Variants in FAM210A observed in about 807,000 individuals in gnomAD.
FAM210A encodes family with sequence similarity 210 member A.
Under a neutral mutation model 25.3 loss-of-function variants are expected in FAM210A, and 13 were observed. The ratio of observed to expected loss-of-function variants is 0.51; its 90% CI spans 0.33 to 0.82. The LOEUF (loss-of-function observed/expected upper bound fraction) is 0.82, where lower values mean the gene tolerates loss of function less well. Among genes scored for constraint, FAM210A ranks in the 40% least tolerant of loss-of-function variants. The probability of loss-of-function intolerance (pLI) is 0.02; values close to 1 mark genes in which losing one functional copy is unlikely to be tolerated. For synonymous variants in FAM210A, 125 were observed against 118.7 expected (o/e 1.05, Z -0.35); for missense variants, 319 against 323.2 (o/e 0.99, Z 0.10).
At chr18:13,677,581 TTTAACTACCAGG>T (rs1411799046) in intron 2 of FAM210A, among the ~76,000 whole-genome samples, 2 of 152,228 alleles carry the variant, frequency 1.3e-5, no homozygotes, top group African/African-American at 2.4e-5. Context: ...AGGTTCGATC[TTTAACTACCAGG>T]CCCAGGGTGT....
intron 2 of FAM210A, among the ~76,000 whole-genome samples, chr18:13,673,534 ATTAT>A (rs2043462144): frequency 6.7e-6 from 1 of 149,542 alleles, no homozygotes; most frequent in African/African-American, 2.5e-5. Flanking sequence ...CAGTTTCCTG[ATTAT>A]TAACATTCCT....
At chr18:13,722,270 C>T (rs1033177729) in intron 1 of FAM210A, among the ~76,000 whole-genome samples, 1 of 151,498 alleles carries the variant, frequency 6.6e-6, no homozygotes, top group Admixed American at 6.6e-5. Context: ...CACCTACTTA[C>T]TCTTTGGTGA....
chr18:13,714,524 G>A (rs554047101), intron 1 of FAM210A, among the ~76,000 whole-genome samples: 7 of 152,298 alleles, frequency 4.6e-5, no homozygotes, highest in Admixed American at 3.3e-4. Flanking sequence ...AAAGTGATAT[G>A]ATAAAAGCAG....
Position 13,693,593 on chromosome 18 carries a change from C to T in FAM210A, c.-28-11488G>A, listed in dbSNP as rs956823938. On this transcript the variant is annotated intron_variant, in intron 1 of 3. Coordinates refer to ENST00000651643, the MANE Select transcript of FAM210A (RefSeq NM_152352.4). ...TGGGATGCAAGGCTGGTTCAACATA[C>T]GCAAATCAATAAACATAATCCATCA... is the stretch of plus-strand genomic sequence containing the variant. 1.1e-4 allele frequency among the ~76,000 whole-genome samples: 16 copies of T among 152,116 alleles called. 1 individual carries two copies. Among genetic ancestry groups the T allele is most frequent in the South Asian group, 4.2e-4 (2 of 4,814 alleles).
chr18:13,700,917 T>C (rs1398046349), intron 1 of FAM210A, among the ~76,000 whole-genome samples: 1 of 152,252 alleles, frequency 6.6e-6, no homozygotes, highest in African/African-American at 2.4e-5. Flanking sequence ...GCTGTTTCTA[T>C]ACGTTGCTTC....
At chr18:13,677,086 T>C (rs1431177420) in intron 2 of FAM210A, among the ~76,000 whole-genome samples, 9 of 131,316 alleles carry the variant, frequency 6.9e-5, no homozygotes, top group Non-Finnish European at 1.3e-4. Context: ...TTTTTTTTTT[T>C]CTTTTTGAGA....
rs1414379482 is a variant in FAM210A, at chr18:13,692,195, G to A, written c.-28-10090C>T. On this transcript the variant is annotated intron_variant, in intron 1 of 3. Coordinates refer to ENST00000651643, the MANE Select transcript of FAM210A (RefSeq NM_152352.4). ...TAAAGGGATCAATTCAACAAGAAGA[G>A]CTAACTCTCCTAAATATATATGCAC... is the stretch of plus-strand genomic sequence containing the variant. Among the ~76,000 whole-genome samples the A allele has an allele frequency of 3.3e-5, 5 of 152,000 alleles. No homozygotes were observed. The East Asian group carries it at 9.7e-4, about 29-fold the overall frequency.
intron 1 of FAM210A, among the ~76,000 whole-genome samples, chr18:13,695,768 G>A (rs975058263): frequency 5.3e-5 from 8 of 151,718 alleles, no homozygotes; most frequent in Non-Finnish European, 1.0e-4. Context: ...TGTAAATGAC[G>A]AGTTAATGGG....
chr18:13,723,432 T>C (rs1362628111), intron 1 of FAM210A, among the ~76,000 whole-genome samples: 4 of 152,210 alleles, frequency 2.6e-5, no homozygotes, highest in African/African-American at 9.7e-5. Context: ...ATATTGGTAT[T>C]TTAAGGAACT....
chr18:13,689,087 C>T (rs568141709), intron 1 of FAM210A, among the ~76,000 whole-genome samples: 8 of 152,358 alleles, frequency 5.3e-5, no homozygotes, highest in Admixed American at 3.9e-4. Context: ...CTTCCTTCAT[C>T]CCTCCCTGAG....
At chr18:13,680,829 T>C (rs1167835997) in intron 2 of FAM210A, among the ~76,000 whole-genome samples, 1 of 152,198 alleles carries the variant, frequency 6.6e-6, no homozygotes, top group Non-Finnish European at 1.5e-5. Context: ...AAATCACTGG[T>C]CCTCCTAAGC....
intron 1 of FAM210A, among the ~76,000 whole-genome samples, chr18:13,692,924 C>T (rs931708720): frequency 3.3e-5 from 5 of 152,074 alleles, no homozygotes; most frequent in East Asian, 3.9e-4. Context: ...GATAGAGACA[C>T]AAAAAACCCT....
At chr18:13,702,357 TAAAGACAGCTAACTTAG>T (rs1300644703) in intron 1 of FAM210A, among the ~76,000 whole-genome samples, 1 of 152,242 alleles carries the variant, frequency 6.6e-6, no homozygotes, top group African/African-American at 2.4e-5. Flanking sequence ...CCTTCTGTCA[TAAAGACAGCTAACTTAG>T]AACAGAACAC....
Position 13,688,445 on chromosome 18 carries a change from G to A in FAM210A, c.-28-6340C>T, listed in dbSNP as rs1399022068. Among the ~76,000 whole-genome samples, 10 of 110,876 alleles carry A rather than the reference G, an allele frequency of 9.0e-5. No individual in the cohort carries two copies. The Admixed American group carries it at 1.0e-3, about 11-fold the overall frequency. 72.7% of individuals were successfully genotyped at this position (110,876 alleles called of 152,430 possible). ...CACCTTGACTTCAGAGACGATGGCT[G>A]CATGAGGCAGAGAGGCAATTAATTT... On this transcript the variant is annotated intron_variant, in intron 1 of 3. Transcript: ENST00000651643.
intron 1 of FAM210A, among the ~76,000 whole-genome samples, chr18:13,696,052 G>A (rs1395290021): frequency 1.3e-5 from 2 of 152,092 alleles, no homozygotes; most frequent in South Asian, 2.1e-4. Flanking sequence ...ACCTATATAA[G>A]GAAAACCTCA....
At chr18:13,713,648 A>G (rs2043837978) in intron 1 of FAM210A, among the ~76,000 whole-genome samples, 1 of 151,890 alleles carries the variant, frequency 6.6e-6, no homozygotes, top group African/African-American at 2.4e-5. Context: ...ATCACAGTGA[A>G]AGGACAATGA....
chr18:13,688,784 G>T (rs1488311051), intron 1 of FAM210A, among the ~76,000 whole-genome samples: 1 of 152,268 alleles, frequency 6.6e-6, no homozygotes, highest in Non-Finnish European at 1.5e-5. Context: ...CCTTGGGGTT[G>T]CAGGCACCCC....
chr18:13,666,829 T>G, intron 3 of FAM210A, 116 bp from the exon 4 acceptor site: 1 of 860,386 alleles, frequency 1.2e-6, no homozygotes, highest in East Asian at 2.7e-5. Flanking sequence ...ATTGCCTCAT[T>G]GTTTCACAAA....
chr18:13,717,335 G>GT (rs1473151866), intron 1 of FAM210A, among the ~76,000 whole-genome samples: 1 of 152,182 alleles, frequency 6.6e-6, no homozygotes, highest in Non-Finnish European at 1.5e-5. Flanking sequence ...TAGAGACAGA[G>GT]TGTCACTCTG....
Sources: gnomAD v4.1 joint callset for allele counts (sites outside exome capture counted in the v4.1 genomes callset) on GRCh38, gnomAD v4.1.1 for gene constraint, MANE v1.5 for transcripts, NCBI Gene and HGNC (gene_info 2026-07-23, HGNC 2026-07-21) for gene names.